Variants in XIRP2 observed in about 807,000 individuals in gnomAD.
The protein encoded by XIRP2 is xin actin-binding repeat-containing protein 2.
XIRP2 carries 236 observed loss-of-function variants against 277.0 expected under a neutral mutation model. The ratio of observed to expected loss-of-function variants is 0.85; its 90% CI spans 0.77 to 0.95. The LOEUF (loss-of-function observed/expected upper bound fraction) is 0.95, where lower values mean the gene tolerates loss of function less well. Among genes scored for constraint, XIRP2 ranks in the 40% least tolerant of loss-of-function variants. The pLI is 0.00. For synonymous variants in XIRP2, 1,490 were observed against 1,416.5 expected, an observed-to-expected ratio of 1.05 and a Z score of -1.17; for missense variants, 4,640 against 4,157.5, an observed-to-expected ratio of 1.12 and a Z score of -3.19.
At chr2:167,097,141 G>A (rs1219532519) in intron 2 of XIRP2, among the ~76,000 whole-genome samples, 3 of 152,070 alleles carry the variant, frequency 2.0e-5, no homozygotes, top group Non-Finnish European at 4.4e-5. Context: ...TATTGACAGT[G>A]GGGTGTTAAA....
chr2:167,102,409 C>A (rs1399293975), intron 2 of XIRP2, among the ~76,000 whole-genome samples: 2 of 152,114 alleles, frequency 1.3e-5, no homozygotes, highest in Non-Finnish European at 1.5e-5. Flanking sequence ...TCAAAAATAA[C>A]TGCAAAAATA....
chr2:166,938,995 G>T (rs969663553), intron 2 of XIRP2, among the ~76,000 whole-genome samples: 5 of 152,158 alleles, frequency 3.3e-5, no homozygotes, highest in Admixed American at 6.5e-5. Context: ...CTCTGCACAT[G>T]AGGTGGGTCT....
intron 3 of XIRP2, among the ~76,000 whole-genome samples, chr2:167,152,519 G>A (rs1407507465): frequency 2.6e-5 from 4 of 151,976 alleles, no homozygotes; most frequent in Non-Finnish European, 5.9e-5. Context: ...TGCTTTACTC[G>A]TTTTAATATG....
At chr2:166,909,802 G>T (rs1386256447) in intron 2 of XIRP2, among the ~76,000 whole-genome samples, 2 of 151,624 alleles carry the variant, frequency 1.3e-5, no homozygotes, top group Non-Finnish European at 3.0e-5. Context: ...TCAATACCTA[G>T]TTTATTGATT....
chr2:167,240,171 T>G (rs1448794712), intron 6 of XIRP2, among the ~76,000 whole-genome samples: 1 of 151,958 alleles, frequency 6.6e-6, no homozygotes, highest in Non-Finnish European at 1.5e-5. Context: ...CCCAACACTT[T>G]GGGAGGCCGA....
At chr2:166,975,910 G>T (rs1462944013) in intron 2 of XIRP2, among the ~76,000 whole-genome samples, 1 of 118,214 alleles carries the variant, frequency 8.5e-6, no homozygotes, top group Non-Finnish European at 1.6e-5. Context: ...CAGCCTGGGT[G>T]ACAGAGCGAG....
chr2:167,007,686 CTCT>C (rs1558945001), intron 2 of XIRP2, among the ~76,000 whole-genome samples: 19 of 103,504 alleles, frequency 1.8e-4, no homozygotes, highest in African/African-American at 8.2e-4. Flanking sequence ...TACACTCTCT[CTCT>C]CTCTCTCTCT....
intron 2 of XIRP2, among the ~76,000 whole-genome samples, chr2:167,045,062 C>G (rs906255093): frequency 6.6e-6 from 1 of 151,772 alleles, no homozygotes; most frequent in Non-Finnish European, 1.5e-5. Context: ...ACAGGTGGAC[C>G]AATGGAACAT....
chr2:166,909,049 G>A (rs541878068), intron 2 of XIRP2, among the ~76,000 whole-genome samples: 27 of 152,238 alleles, frequency 1.8e-4, no homozygotes, highest in African/African-American at 4.1e-4. Context: ...GTCAGGTAGC[G>A]TGATGCCTCC....
chr2:167,187,382 TCAGTGGAGCGGGCCTC>T (rs1276924172), intron 3 of XIRP2: 1 of 985,218 alleles, frequency 1.0e-6, no homozygotes, highest in African/African-American at 1.7e-5. Context: ...GATAGACCCT[TCAGTGGAGCGGGCCTC>T]CACTGCACCC....
At chr2:167,086,128 G>T (rs1689934323) in intron 2 of XIRP2, among the ~76,000 whole-genome samples, 1 of 151,738 alleles carries the variant, frequency 6.6e-6, no homozygotes, top group Non-Finnish European at 1.5e-5. Context: ...GCTCTTTTAG[G>T]GCTGGCCTGG....
intron 3 of XIRP2, among the ~76,000 whole-genome samples, chr2:167,139,215 T>C (rs779602463): frequency 3.3e-5 from 5 of 151,984 alleles, no homozygotes; most frequent in Non-Finnish European, 5.9e-5. Context: ...GATCTAGATG[T>C]ATGTAGAATT....
At chr2:167,138,057 T>C (rs1691606246) in intron 3 of XIRP2, among the ~76,000 whole-genome samples, 1 of 152,198 alleles carries the variant, frequency 6.6e-6, no homozygotes, top group Non-Finnish European at 1.5e-5. Context: ...ATTTATTTTA[T>C]TCCAAAAAGA....
chr2:167,178,603 T>C (rs1692920500), intron 3 of XIRP2, among the ~76,000 whole-genome samples: 1 of 152,138 alleles, frequency 6.6e-6, no homozygotes, highest in Non-Finnish European at 1.5e-5. Flanking sequence ...TAAATAGTAA[T>C]TTTTGTGTAG....
rs575803488 is a variant in XIRP2, at chr2:167,187,424, C to T, written c.563-23311C>T. 1.2e-5 allele frequency: 12 copies of T among 985,260 alleles called. No homozygotes were observed. In the South Asian group the frequency reaches 4.7e-4, roughly 39 times the overall value. 61.0% of individuals were successfully genotyped at this position (985,260 alleles called of 1,614,324 possible). On this transcript the variant is annotated intron_variant, in intron 3 of 10. Transcript: ENST00000409195. Reference sequence around the variant, plus strand: ...CACTGCACCCATTGCTTTCAGGGGACTGGGAAATTGGCTGTACATGAAACA... The same window carrying T: ...CACTGCACCCATTGCTTTCAGGGGATTGGGAAATTGGCTGTACATGAAACA...
intron 1 of XIRP2, among the ~76,000 whole-genome samples, chr2:166,897,371 A>G (rs539768432): frequency 7.2e-5 from 11 of 152,200 alleles, no homozygotes; most frequent in Non-Finnish European, 7.4e-5. Flanking sequence ...CTGTAATCTC[A>G]TGTCCCATGG....
intron 3 of XIRP2, among the ~76,000 whole-genome samples, chr2:167,144,996 G>A (rs578096313): frequency 2.6e-5 from 4 of 152,276 alleles, no homozygotes; most frequent in African/African-American, 4.8e-5. Context: ...ATGGTTTGCT[G>A]TGGATATTTG....
At chr2:167,073,344 A>C (rs1689482829) in intron 2 of XIRP2, among the ~76,000 whole-genome samples, 2 of 152,156 alleles carry the variant, frequency 1.3e-5, no homozygotes, top group South Asian at 2.1e-4. Flanking sequence ...TGTAATATAA[A>C]TAACAATGAC....
At chr2:167,094,833 G>GT (rs1443755124) in intron 2 of XIRP2, among the ~76,000 whole-genome samples, 1 of 152,178 alleles carries the variant, frequency 6.6e-6, no homozygotes, top group Non-Finnish European at 1.5e-5. Context: ...CTTTAAAGTA[G>GT]TTTTTTCTAA....
Sources: gnomAD v4.1 joint callset for allele counts (sites outside exome capture counted in the v4.1 genomes callset) on GRCh38, gnomAD v4.1.1 for gene constraint, MANE v1.5 for transcripts, NCBI Gene and HGNC (gene_info 2026-07-23, HGNC 2026-07-21) for gene names.